SOX6: variants seen among roughly 807,000 people sequenced by gnomAD.
SOX6 encodes SRY-box transcription factor 6, also known as transcription factor SOX-6.
In SOX6, 11 loss-of-function variants were observed where a neutral mutation model predicts 97.8. The ratio of observed to expected loss-of-function variants is 0.11; its 90% CI spans 0.07 to 0.19. The LOEUF (loss-of-function observed/expected upper bound fraction) is 0.19, where lower values mean the gene tolerates loss of function less well. Among genes scored for constraint, SOX6 ranks in the 10% least tolerant of loss-of-function variants. The pLI is 1.00. For missense variants in SOX6, 810 were observed against 1,039.5 expected, an observed-to-expected ratio of 0.78 and a Z score of 3.04; for synonymous variants, 360 against 371.4, an observed-to-expected ratio of 0.97 and a Z score of 0.35.
At chr11:16,203,454 G>A (rs1343385901) in intron 4 of SOX6, among the ~76,000 whole-genome samples, 1 of 152,056 alleles carries the variant, frequency 6.6e-6, no homozygotes, top group Non-Finnish European at 1.5e-5. Flanking sequence ...TTTCTTGTAG[G>A]TAATATACTT....
intron 2 of SOX6, among the ~76,000 whole-genome samples, chr11:16,730,058 T>C (rs187820667): frequency 0.011 from 1,600 of 143,076 alleles, 25 homozygotes; most frequent in African/African-American, 0.04. Flanking sequence ...ATCCTAAATA[T>C]ATATGCACCC....
intron 6 of SOX6, among the ~76,000 whole-genome samples, chr11:16,160,796 C>T (rs527507124): frequency 1.9e-4 from 29 of 152,256 alleles, no homozygotes; most frequent in South Asian, 4.1e-4. Flanking sequence ...TTATTTCTGA[C>T]CATGAATGAC....
At chr11:16,573,809 T>C (rs1018366510) in intron 4 of SOX6, among the ~76,000 whole-genome samples, 4 of 152,328 alleles carry the variant, frequency 2.6e-5, no homozygotes, top group South Asian at 2.1e-4. Flanking sequence ...GTGTTACCTG[T>C]TATGAAACAC....
intron 3 of SOX6, among the ~76,000 whole-genome samples, chr11:16,695,254 C>T (rs1450112760): frequency 6.6e-6 from 1 of 152,150 alleles, no homozygotes; most frequent in Non-Finnish European, 1.5e-5. Flanking sequence ...ACAGATTGCA[C>T]AAAGGTGAAT....
intron 3 of SOX6, among the ~76,000 whole-genome samples, chr11:16,665,010 G>A (rs765694974): frequency 1.3e-5 from 2 of 151,836 alleles, no homozygotes; most frequent in African/African-American, 4.8e-5. Context: ...ATCATCTGCT[G>A]ACTAAAGAGC....
intron 3 of SOX6, among the ~76,000 whole-genome samples, chr11:16,614,356 C>G (rs1314458487): frequency 6.6e-6 from 1 of 152,134 alleles, no homozygotes; most frequent in Admixed American, 6.5e-5. Context: ...AGGTCACAAA[C>G]GGAGGTCTCC....
chr11:16,170,340 T>C (rs1328638324), intron 6 of SOX6, among the ~76,000 whole-genome samples: 4 of 151,854 alleles, frequency 2.6e-5, no homozygotes, highest in Admixed American at 6.6e-5. Flanking sequence ...CTCTTTCTTA[T>C]ACAACTTCAC....
chr11:16,481,323 TA>T (rs1220955075), upstream of SOX6, among the ~76,000 whole-genome samples: 1 of 152,134 alleles, frequency 6.6e-6, no homozygotes, highest in Non-Finnish European at 1.5e-5. Flanking sequence ...GTATTTTTTT[TA>T]AATGCAGTTG....
chr11:16,623,410 AT>A (rs60091985), intron 3 of SOX6, among the ~76,000 whole-genome samples: 6 of 150,586 alleles, frequency 4.0e-5, no homozygotes, highest in East Asian at 2.0e-4. Flanking sequence ...TTTTTATGGG[AT>A]TTTTTTTTCT....
chr11:16,356,732 G>A (rs1857085904), upstream of SOX6, among the ~76,000 whole-genome samples: 1 of 152,030 alleles, frequency 6.6e-6, no homozygotes, highest in Admixed American at 6.6e-5. Flanking sequence ...AGTAAACAAA[G>A]CGCCATTCAG....
intron 3 of SOX6, among the ~76,000 whole-genome samples, chr11:16,684,152 C>T (rs1371122886): frequency 6.6e-6 from 1 of 152,112 alleles, no homozygotes; most frequent in African/African-American, 2.4e-5. Flanking sequence ...ATTAGTTCAA[C>T]CATTGTGGAA....
At chr11:16,711,855 A>G (rs1434647502) in intron 3 of SOX6, among the ~76,000 whole-genome samples, 1 of 152,038 alleles carries the variant, frequency 6.6e-6, no homozygotes, top group African/African-American at 2.4e-5. Flanking sequence ...GTAGTCTTTT[A>G]TCCCTCATCC....
Position 16,186,921 on chromosome 11 carries a change from C to T in SOX6, c.570G>A (p.Gln190=). 6.2e-7 allele frequency: 1 copy of T among 1,613,820 alleles called. No individual in the cohort carries two copies. The highest frequency in any genetic ancestry group is 8.5e-7 in the Non-Finnish European group (1 of 1,179,830). The change falls in exon 5 of 16, where the codon CAG becomes CAA. Residue 190 remains glutamine, a synonymous_variant. Transcript: ENST00000683767. ...TPESLAEKER[Q]LSTMITQLIS... ...TCAGCTGGGTAATCATGGTGGAGAG[C>T]TGCCGTTCTTTTTCTGCCAGGCTCT... is the stretch of plus-strand genomic sequence containing the variant.
chr11:16,399,643 T>C (rs1362860317), intron 1 of SOX6, among the ~76,000 whole-genome samples: 1 of 151,458 alleles, frequency 6.6e-6, no homozygotes, highest in Non-Finnish European at 1.5e-5. Context: ...AGATAAATAA[T>C]CAGATTAACC....
At position 16,706,474 on chromosome 11, in the gene SOX6, ATATATATATATATATATATATATATATAT is replaced by A. The variant is rs1848136844; in HGVS notation, n.429+8327_429+8355del. 4.4e-4 allele frequency among the ~76,000 whole-genome samples: 6 copies of A among 13,782 alleles called. 1 individual carries two copies. Among genetic ancestry groups the A allele is most frequent in the African/African-American group, 1.9e-3 (4 of 2,154 alleles). The allele number at this position is 13,782 out of a possible 152,430, so 9.0% of individuals were successfully genotyped here. A position where few individuals can be genotyped will look rare whatever the true frequency, so the allele number is the denominator to read the frequency against. On this transcript the variant is annotated intron_variant and non_coding_transcript_variant, in intron 3 of 5. Transcript: ENST00000524520. ...CAAAAAAAAAAAAAAAAAAAAAAAT[ATATATATATATATATATATATATATATAT>A]ATATATATATATATATATATAGTGT...
intron 7 of SOX6, among the ~76,000 whole-genome samples, chr11:16,109,315 C>T (rs1849171126): frequency 2.0e-5 from 3 of 152,174 alleles, no homozygotes; most frequent in Admixed American, 2.0e-4. Context: ...ATCTTCCCAC[C>T]TCAGCCTCCT....
At chr11:16,304,427 A>G (rs958567817) in intron 3 of SOX6, among the ~76,000 whole-genome samples, 4 of 152,140 alleles carry the variant, frequency 2.6e-5, no homozygotes, top group Admixed American at 1.3e-4. Context: ...GGCTTCCACT[A>G]TGGGAGAATG....
intron 4 of SOX6, among the ~76,000 whole-genome samples, chr11:16,227,764 C>A (rs1436195066): frequency 6.6e-6 from 1 of 152,156 alleles, no homozygotes; most frequent in African/African-American, 2.4e-5. Context: ...CCTCTTCTAT[C>A]CAATAAAACT....
At chr11:16,696,906 T>A (rs560452566) in intron 3 of SOX6, among the ~76,000 whole-genome samples, 37 of 152,160 alleles carry the variant, frequency 2.4e-4, no homozygotes, top group African/African-American at 7.2e-4. Context: ...CCACAGAACT[T>A]CTTTCAAAGT....
Sources: allele counts gnomAD v4.1 joint callset (sites outside exome capture counted in the v4.1 genomes callset), GRCh38; gene constraint gnomAD v4.1.1; transcripts MANE v1.5; gene names NCBI Gene and HGNC (gene_info 2026-07-23, HGNC 2026-07-21).